The following PTPRQ variants were observed in gnomAD, a reference collection of about 807,000 sequenced individuals.
The protein encoded by PTPRQ is protein tyrosine phosphatase receptor type Q, also known as phosphatidylinositol phosphatase PTPRQ.
Under a neutral mutation model 246.0 loss-of-function variants are expected in PTPRQ, and 199 were observed. That is an observed-to-expected ratio of 0.81 (90% CI 0.72 to 0.91). PTPRQ has a LOEUF of 0.91. Ranked by LOEUF, PTPRQ falls within the 40% of genes least tolerant of loss-of-function variation. PTPRQ has a pLI of 0.00. For missense variants in PTPRQ, 2,624 were observed against 2,528.4 expected, an observed-to-expected ratio of 1.04 and a Z score of -0.81; for synonymous variants, 869 against 853.2, an observed-to-expected ratio of 1.02 and a Z score of -0.32.
chr12:80,559,988 T>G (rs138191867), intron 25 of PTPRQ, among the ~76,000 whole-genome samples: 1 of 152,308 alleles, frequency 6.6e-6, no homozygotes, highest in East Asian at 1.9e-4. Context: ...GGGCAGGGCA[T>G]TGCCAAAACA....
At chr12:80,449,078 G>C (rs1305975078) in intron 3 of PTPRQ, among the ~76,000 whole-genome samples, 3 of 151,656 alleles carry the variant, frequency 2.0e-5, no homozygotes, top group Non-Finnish European at 4.4e-5. Context: ...TAACTGGTGT[G>C]AGATGGTATC....
intron 25 of PTPRQ, chr12:80,561,698 A>G (rs1181589221): frequency 6.6e-6 from 1 of 152,068 alleles, no homozygotes; most frequent in Non-Finnish European, 1.5e-5. Flanking sequence ...AGATTGCTTG[A>G]GATTCTCTGC....
At chr12:80,505,646 C>A (rs976505413) in intron 14 of PTPRQ, among the ~76,000 whole-genome samples, 2 of 151,840 alleles carry the variant, frequency 1.3e-5, no homozygotes, top group African/African-American at 4.8e-5. Flanking sequence ...CCAAAACTAA[C>A]CTACTGATCT....
chr12:80,638,936 C>T (rs1483909652), intron 35 of PTPRQ, among the ~76,000 whole-genome samples: 2 of 152,106 alleles, frequency 1.3e-5, no homozygotes, highest in Non-Finnish European at 2.9e-5. Context: ...TCACACTTAC[C>T]GAATTAGGAA....
intron 38 of PTPRQ, among the ~76,000 whole-genome samples, chr12:80,656,784 G>A (rs1900452869): frequency 2.0e-5 from 3 of 151,336 alleles, no homozygotes; most frequent in Admixed American, 6.6e-5. Context: ...TTCCAAATCA[G>A]GGACAAAAGA....
At chr12:80,465,443 C>T (rs1194684208) in intron 6 of PTPRQ, 1 of 152,056 alleles carries the variant, frequency 6.6e-6, no homozygotes, top group South Asian at 2.1e-4. Flanking sequence ...GGAACTGGTA[C>T]CATTCCTTCT....
chr12:80,658,696 G>A (rs1465588812), intron 39 of PTPRQ, among the ~76,000 whole-genome samples: 1 of 151,816 alleles, frequency 6.6e-6, no homozygotes, highest in African/African-American at 2.4e-5. Flanking sequence ...ACAGTTGTTG[G>A]GTTTTTTTTT....
Position 80,620,286 on chromosome 12 carries a change from T to C in PTPRQ, c.5522T>C (p.Ile1841Thr). The change falls in exon 32 of 45, where the codon ATC becomes ACC. Residue 1841 changes from isoleucine to threonine, a missense_variant. Physicochemically the swap from Ile to Thr is moderately conservative, Grantham distance 89. Transcript: ENST00000644991. Reference sequence around the variant, plus strand: ...ACAAAGTTTAGTGGCAATGAAGAAATCTACATCATAGGTGCTGATAATGCA... The same window carrying C: ...ACAAAGTTTAGTGGCAATGAAGAAACCTACATCATAGGTGCTGATAATGCA... ...GKTKFSGNEE[I>T]YIIGADNACM... 6.5e-7 allele frequency: 1 copy of C among 1,549,558 alleles called. No individual in the cohort carries two copies. The highest frequency in any genetic ancestry group is 8.7e-7 in the Non-Finnish European group (1 of 1,145,602).
At chr12:80,582,772 A>G (rs549473048) in intron 25 of PTPRQ, among the ~76,000 whole-genome samples, 1 of 152,308 alleles carries the variant, frequency 6.6e-6, no homozygotes, top group South Asian at 2.1e-4. Context: ...GACTGGGAGG[A>G]AGAAGAGAGT....
chr12:80,454,896 G>A (rs187442620), intron 3 of PTPRQ, among the ~76,000 whole-genome samples: 70 of 152,276 alleles, frequency 4.6e-4, no homozygotes, highest in African/African-American at 1.5e-3. Flanking sequence ...GATAGCTTCG[G>A]CTGGGTGCAG....
chr12:80,532,910 A>C (rs1050279066), intron 17 of PTPRQ, among the ~76,000 whole-genome samples: 1 of 152,172 alleles, frequency 6.6e-6, no homozygotes, highest in African/African-American at 2.4e-5. Flanking sequence ...CATGACTGAA[A>C]TGTATCTCTG....
intron 20 of PTPRQ, among the ~76,000 whole-genome samples, chr12:80,541,210 A>G (rs1024212270): frequency 2.0e-5 from 3 of 152,072 alleles, no homozygotes; most frequent in African/African-American, 7.2e-5. Flanking sequence ...TGGTTTAAAT[A>G]ACATAAATTA....
At position 80,680,016 on chromosome 12, in the gene PTPRQ, A is replaced by G. The variant is rs2121307971; in HGVS notation, c.*993A>G. 1 of 151,976 alleles carries G rather than the reference A, an allele frequency of 6.6e-6. No individual in the cohort carries two copies. The highest frequency in any genetic ancestry group is 2.4e-5 in the African/African-American group (1 of 41,540). The allele number at this position is 151,976 out of a possible 1,614,324, so 9.4% of individuals were successfully genotyped here. On this transcript the variant is annotated 3_prime_UTR_variant, in exon 45 of 45. Coordinates refer to ENST00000644991, the MANE Select transcript of PTPRQ (RefSeq NM_001145026.2). ...GATTTTGAGCAGTATACTTGGTGGA[A>G]CTGAAAACAAAGAAATTAACCATGT...
intron 6 of PTPRQ, among the ~76,000 whole-genome samples, chr12:80,468,089 T>C (rs1047735880): frequency 1.3e-5 from 2 of 152,158 alleles, no homozygotes; most frequent in African/African-American, 4.8e-5. Context: ...TTTTGAAAAA[T>C]ATTTGGAATT....
chr12:80,671,409 G>A (rs890551210), intron 42 of PTPRQ, among the ~76,000 whole-genome samples: 2 of 151,984 alleles, frequency 1.3e-5, no homozygotes, highest in African/African-American at 4.8e-5. Flanking sequence ...AACCTTTGAT[G>A]GACAGTAGCT....
At position 80,542,165 on chromosome 12, in the gene PTPRQ, AGT is replaced by A; in HGVS notation, c.3523_3524del (p.Val1175LysfsTer10). ...CAGTTCTCTTATCATGGGATCCCCC[AGT>A]AAAGCCAAATGGTGCAATAATAAGT... ...TSVLLSWDPP[V>X]KPNGAIISYD... On this transcript the variant is annotated frameshift_variant, in exon 22 of 45. Coordinates refer to ENST00000644991, the MANE Select transcript of PTPRQ (RefSeq NM_001145026.2). LOFTEE classifies it high-confidence loss of function. The A allele has an allele frequency of 6.4e-7, 1 of 1,551,130 alleles. No homozygotes were observed. The highest frequency in any genetic ancestry group is 8.7e-7 in the Non-Finnish European group (1 of 1,146,664).
At chr12:80,620,040 T>C in intron 31 of PTPRQ, 114 bp from the exon 32 acceptor site, 1 of 1,295,102 alleles carries the variant, frequency 7.7e-7, no homozygotes. Context: ...TTATCTCTGG[T>C]GACTGATGTT....
chr12:80,539,693 C>A (rs961496970), intron 19 of PTPRQ, 83 bp from the exon 20 acceptor site: 5 of 1,101,512 alleles, frequency 4.5e-6, no homozygotes, highest in Non-Finnish European at 4.9e-6. Flanking sequence ...ATAGTAAAAT[C>A]GATCCATTGA....
intron 25 of PTPRQ, among the ~76,000 whole-genome samples, chr12:80,566,431 T>G (rs186684968): frequency 6.6e-6 from 1 of 151,958 alleles, no homozygotes; most frequent in Non-Finnish European, 1.5e-5. Context: ...TGAGCCAAGA[T>G]TGCACCAGTG....
Sources: gnomAD v4.1 joint callset for allele counts (sites outside exome capture counted in the v4.1 genomes callset) on GRCh38, gnomAD v4.1.1 for gene constraint, MANE v1.5 for transcripts, NCBI Gene and HGNC (gene_info 2026-07-23, HGNC 2026-07-21) for gene names.